The following SENP5 variants were observed in gnomAD, a reference collection of about 807,000 sequenced individuals.
SENP5 encodes SUMO specific peptidase 5, also known as sentrin-specific protease 5.
Under a neutral mutation model 74.2 loss-of-function variants are expected in SENP5, and 21 were observed. The ratio of observed to expected loss-of-function variants is 0.28; its 90% CI spans 0.20 to 0.41. The LOEUF is 0.41. SENP5 is among the 10% of genes least tolerant of loss of function. SENP5 has a pLI of 1.00. For missense variants in SENP5, 717 were observed against 889.1 expected (o/e 0.81, Z 2.46); for synonymous variants, 311 against 312.7 (o/e 0.99, Z 0.06).
At chr3:196,892,407 A>G (rs1714249975) in intron 2 of SENP5, among the ~76,000 whole-genome samples, 1 of 152,214 alleles carries the variant, frequency 6.6e-6, no homozygotes, top group Non-Finnish European at 1.5e-5. Flanking sequence ...TTAGCCTCCC[A>G]AAGTGCTGGG....
intron 1 of SENP5, among the ~76,000 whole-genome samples, chr3:196,871,581 C>G (rs1366641737): frequency 6.6e-6 from 1 of 151,824 alleles, no homozygotes; most frequent in Non-Finnish European, 1.5e-5. Flanking sequence ...AATTTACGGC[C>G]TGGTGCAGTG....
At chr3:196,919,911 T>G (rs1478883750) in intron 6 of SENP5, among the ~76,000 whole-genome samples, 1 of 152,160 alleles carries the variant, frequency 6.6e-6, no homozygotes, top group Non-Finnish European at 1.5e-5. Context: ...TAGGTCTACT[T>G]CTGGATTTTC....
At chr3:196,910,098 C>T (rs757904716) in intron 6 of SENP5, among the ~76,000 whole-genome samples, 2 of 152,124 alleles carry the variant, frequency 1.3e-5, no homozygotes, top group South Asian at 2.1e-4. Context: ...CATTCCTATA[C>T]GCCAGCAATG....
intron 1 of SENP5, among the ~76,000 whole-genome samples, chr3:196,872,238 A>C (rs148848917): frequency 6.6e-6 from 1 of 152,266 alleles, no homozygotes; most frequent in South Asian, 2.1e-4. Flanking sequence ...AGGAATGTTG[A>C]TATTTGGTCA....
intron 1 of SENP5, among the ~76,000 whole-genome samples, chr3:196,877,623 TTA>T (rs1378608747): frequency 2.0e-5 from 3 of 152,346 alleles, no homozygotes; most frequent in South Asian, 2.1e-4. Context: ...TTTGCAAAGA[TTA>T]TGATATCATC....
rs571327576 is a variant in SENP5 at position 196,920,272 on chromosome 3, C to G, written c.1885-3142C>G. ...AGTGTATACATCTTACATATACATT[C>G]TTGTTAAATGTATCCTTAAGTATTT... On this transcript the variant is annotated intron_variant, in intron 6 of 9. Transcript: ENST00000323460. Among the ~76,000 whole-genome samples, 15 of 152,196 alleles carry G rather than the reference C, an allele frequency of 9.9e-5. No individual in the cohort carries two copies. The South Asian group carries it at 3.1e-3, about 32-fold the overall frequency.
At chr3:196,896,418 C>T (rs1714443006) in intron 2 of SENP5, among the ~76,000 whole-genome samples, 1 of 151,974 alleles carries the variant, frequency 6.6e-6, no homozygotes, top group Admixed American at 6.6e-5. Flanking sequence ...AGGTAACAAC[C>T]TCTCAAAGCT....
In SENP5 at chr3:196,927,842, C is replaced by G; in HGVS notation, c.2069C>G (p.Pro690Arg). The G allele has an allele frequency of 1.2e-6, 2 of 1,613,018 alleles. No homozygotes were observed. Among genetic ancestry groups the G allele is most frequent in the Non-Finnish European group, 1.7e-6 (2 of 1,179,102 alleles). The change falls in exon 8 of 10, where the codon CCT becomes CGT. Residue 690 changes from proline (P) to arginine (R), a missense_variant. By Grantham distance (103) the Pro-to-Arg change is moderately radical (BLOSUM62 -2). This residue lies in a region of SENP5 where 85 missense variants were observed against 188.9 expected (regional missense o/e 0.45). Transcript: ENST00000323460. ...ACTGAAGCCAGAGAAAAAAATAGAC[C>G]TGAATTTCTTCAGGGTTGGCAGACT... ...LLTEAREKNRPEFLQGWQTAV... is the reference protein window; with the variant it reads ...LLTEAREKNRREFLQGWQTAV...
chr3:196,919,784 A>C (rs373438187), intron 6 of SENP5, among the ~76,000 whole-genome samples: 20 of 149,964 alleles, frequency 1.3e-4, no homozygotes, highest in African/African-American at 4.9e-4. Flanking sequence ...CAAGAGCAAA[A>C]CTTCATCTCA....
At chr3:196,918,150 C>CA (rs956537087) in intron 6 of SENP5, among the ~76,000 whole-genome samples, 9 of 148,506 alleles carry the variant, frequency 6.1e-5, no homozygotes, top group Admixed American at 1.3e-4. Flanking sequence ...ACTAAAAATA[C>CA]AAAAAAATTA....
rs551765441 is a variant in SENP5 at position 196,923,408 on chromosome 3, G to T, written c.1885-6G>T. On this transcript the variant is annotated splice_region_variant and splice_polypyrimidine_tract_variant and intron_variant, in intron 6 of 9. Coordinates refer to ENST00000323460, the MANE Select transcript of SENP5 (RefSeq NM_152699.5). ...TGGCTGCATTTCTTTCTCTTTTCTT[G>T]ATCAGGTGGATTTGTTTAAAAAGAG... 2.5e-6 allele frequency: 4 copies of T among 1,595,452 alleles called. No individual in the cohort carries two copies. Among genetic ancestry groups the T allele is most frequent in the African/African-American group, 1.4e-5 (1 of 73,534 alleles).
At chr3:196,928,314 C>T (rs1183517178) in intron 8 of SENP5, among the ~76,000 whole-genome samples, 1 of 152,212 alleles carries the variant, frequency 6.6e-6, no homozygotes, top group African/African-American at 2.4e-5. Flanking sequence ...GCTTCAGTCC[C>T]ACCACTGTCT....
At chr3:196,927,159 T>C (rs1219650579) in intron 7 of SENP5, among the ~76,000 whole-genome samples, 2 of 152,226 alleles carry the variant, frequency 1.3e-5, no homozygotes, top group African/African-American at 4.8e-5. Context: ...TGTTAACCTT[T>C]TCTGCAGCCC....
chr3:196,880,841 G>A (rs4916573), intron 1 of SENP5, among the ~76,000 whole-genome samples: 50,140 of 151,514 alleles, frequency 0.33, 9,260 homozygotes, highest in East Asian at 0.77. Context: ...GGGTTTCACC[G>A]TGTTGGCCAG....
rs749981411 is a variant in SENP5, at chr3:196,886,698, T to C, written c.1513+4T>C. ...CAGCTGTCAGTCTGTCTTTCTGGTA[T>C]GCACTTTTCCTTTATTCTCCCTCAA... On this transcript the variant is annotated splice_donor_region_variant and intron_variant, in intron 2 of 9. Coordinates refer to ENST00000323460, the MANE Select transcript of SENP5 (RefSeq NM_152699.5). 1.4e-5 allele frequency: 21 copies of C among 1,529,446 alleles called. No individual in the cohort carries two copies. Among genetic ancestry groups the C allele is most frequent in the Non-Finnish European group, 1.8e-5 (20 of 1,141,310 alleles). 94.7% of individuals were successfully genotyped at this position (1,529,446 alleles called of 1,614,324 possible).
At chr3:196,901,734 T>C (rs1308208640) in intron 5 of SENP5, among the ~76,000 whole-genome samples, 4 of 152,262 alleles carry the variant, frequency 2.6e-5, no homozygotes, top group African/African-American at 9.6e-5. Flanking sequence ...GATGCTCTAT[T>C]GTCAAATTCT....
At chr3:196,880,006 C>T (rs187067198) in intron 1 of SENP5, among the ~76,000 whole-genome samples, 11 of 151,858 alleles carry the variant, frequency 7.2e-5, no homozygotes, top group East Asian at 3.9e-4. Context: ...AGTGCAGTGG[C>T]GTGATCTCGG....
At chr3:196,922,463 A>C (rs921132906) in intron 6 of SENP5, among the ~76,000 whole-genome samples, 1 of 148,370 alleles carries the variant, frequency 6.7e-6, no homozygotes, top group Non-Finnish European at 1.5e-5. Flanking sequence ...ATGTCTGTAG[A>C]TGCAGTTTCA....
In SENP5 at chr3:196,920,627, A is replaced by G. The variant is rs75341303; in HGVS notation, c.1885-2787A>G. 5.7e-4 allele frequency among the ~76,000 whole-genome samples: 87 copies of G among 152,344 alleles called. No homozygotes were observed. In the East Asian group the frequency reaches 0.016, roughly 28 times the overall value. Reference sequence around the variant, plus strand: ...AGTCTTGGAAAGCATTCAGTTTTTCACTACTGTGTATGGTGTCAGCTGTAG... The same window carrying G: ...AGTCTTGGAAAGCATTCAGTTTTTCGCTACTGTGTATGGTGTCAGCTGTAG... On this transcript the variant is annotated intron_variant, in intron 6 of 9. Coordinates refer to ENST00000323460, the MANE Select transcript of SENP5 (RefSeq NM_152699.5).
Sources: gnomAD v4.1 joint callset for allele counts (sites outside exome capture counted in the v4.1 genomes callset) on GRCh38, gnomAD v4.1.1 for gene constraint, gnomAD v4.1.1 regional missense constraint, MANE v1.5 for transcripts, NCBI Gene and HGNC (gene_info 2026-07-23, HGNC 2026-07-21) for gene names.